The following ANK2 variants were observed in gnomAD, a reference collection of about 807,000 sequenced individuals.
ANK2 encodes ankyrin-2.
ANK2 carries 83 observed loss-of-function variants against 360.5 expected under a neutral mutation model. The observed-to-expected ratio is 0.23, with a 90% confidence interval of 0.19 to 0.28. ANK2 has a LOEUF of 0.28. Ranked by LOEUF, ANK2 falls within the 10% of genes least tolerant of loss-of-function variation. The pLI is 1.00. For synonymous variants in ANK2, 1,740 were observed against 1,759.5 expected, an observed-to-expected ratio of 0.99 and a Z score of 0.28; for missense variants, 4,201 against 4,795.7, an observed-to-expected ratio of 0.88 and a Z score of 3.66.
At chr4:113,143,626 A>C (rs879658979) in intron 1 of ANK2, among the ~76,000 whole-genome samples, 4 of 152,166 alleles carry the variant, frequency 2.6e-5, no homozygotes, top group Non-Finnish European at 4.4e-5. Flanking sequence ...AGCTGGAAAA[A>C]TCTTGGTTGG....
intron 20 of ANK2, among the ~76,000 whole-genome samples, chr4:113,290,966 A>G (rs1365971601): frequency 6.6e-6 from 1 of 152,244 alleles, no homozygotes; most frequent in East Asian, 1.9e-4. Context: ...GGTAAAGGTT[A>G]GATTAAATCA....
chr4:112,804,801 A>T, the ANK2 span, among the ~76,000 whole-genome samples: 1 of 152,018 alleles, frequency 6.6e-6, no homozygotes, highest in Non-Finnish European at 1.5e-5. Context: ...CAACAACAAC[A>T]AACAAAAAAC....
At chr4:113,052,978 TG>T (rs1447017138) in intron 1 of ANK2, among the ~76,000 whole-genome samples, 1 of 152,178 alleles carries the variant, frequency 6.6e-6, no homozygotes, top group Non-Finnish European at 1.5e-5. Flanking sequence ...AAGCTATAGT[TG>T]TAAGGAGGCA....
chr4:113,344,162 T>C (rs888980217), intron 34 of ANK2, among the ~76,000 whole-genome samples: 1 of 152,182 alleles, frequency 6.6e-6, no homozygotes, highest in Non-Finnish European at 1.5e-5. Flanking sequence ...GACAGCTATA[T>C]AATTAAGCTA....
intron 1 of ANK2, among the ~76,000 whole-genome samples, chr4:113,116,514 C>T (rs1165769029): frequency 6.6e-6 from 1 of 152,204 alleles, no homozygotes; most frequent in African/African-American, 2.4e-5. Context: ...ACCTGCTCAC[C>T]CCTGTATTGC....
intron 1 of ANK2, among the ~76,000 whole-genome samples, chr4:112,846,448 A>G (rs955582049): frequency 6.6e-6 from 1 of 152,070 alleles, no homozygotes; most frequent in Non-Finnish European, 1.5e-5. Flanking sequence ...CGTCCACCCT[A>G]TTACTTCACT....
chr4:113,084,022 G>A (rs1055713056), intron 1 of ANK2, among the ~76,000 whole-genome samples: 12 of 152,008 alleles, frequency 7.9e-5, no homozygotes, highest in Non-Finnish European at 1.6e-4. Flanking sequence ...GCGATTGTTC[G>A]GGGACTCAAG....
intron 2 of ANK2, among the ~76,000 whole-genome samples, chr4:113,036,463 A>T (rs923443736): frequency 2.0e-5 from 3 of 151,842 alleles, no homozygotes; most frequent in Non-Finnish European, 4.4e-5. Flanking sequence ...GAGTGTGCTG[A>T]CCTTCAGCCA....
intron 38 of ANK2, among the ~76,000 whole-genome samples, 197 bp downstream of exon 38, chr4:113,359,496 A>G (rs1184476918): frequency 6.6e-6 from 1 of 152,128 alleles, no homozygotes; most frequent in African/African-American, 2.4e-5. Flanking sequence ...CTCAAGATTG[A>G]GTAATGAGAA....
At chr4:112,934,439 A>G (rs1185009134) in intron 2 of ANK2, among the ~76,000 whole-genome samples, 1 of 152,100 alleles carries the variant, frequency 6.6e-6, no homozygotes, top group Non-Finnish European at 1.5e-5. Context: ...CTCTCTCGAC[A>G]TTCTTTTCTT....
the ANK2 span, among the ~76,000 whole-genome samples, chr4:112,771,516 T>G: frequency 6.6e-6 from 1 of 151,934 alleles, no homozygotes; most frequent in Non-Finnish European, 1.5e-5. Context: ...CTGAGCTTGA[T>G]GAGGTGTGGA....
the ANK2 span, among the ~76,000 whole-genome samples, chr4:112,767,044 CAT>C: frequency 6.6e-6 from 1 of 152,164 alleles, no homozygotes; most frequent in Non-Finnish European, 1.5e-5. Context: ...CAGTATTGCT[CAT>C]ATATTTTGAA....
rs186802968 is a variant in ANK2 at position 113,147,691 on chromosome 4, T to A, written c.85-26725T>A. ...AGCAAAATATGTGGTTCTAGGTAGTTTAAGTTGGACTTTATGTCTTCCAAA... is the reference window on the plus strand; with the variant it reads ...AGCAAAATATGTGGTTCTAGGTAGTATAAGTTGGACTTTATGTCTTCCAAA... On this transcript the variant is annotated intron_variant, in intron 1 of 45. Coordinates refer to ENST00000357077, the MANE Select transcript of ANK2 (RefSeq NM_001148.6). 2.6e-3 allele frequency among the ~76,000 whole-genome samples: 390 copies of A among 152,340 alleles called. 2 individuals carry two copies. The highest frequency in any genetic ancestry group is 9.0e-3 in the African/African-American group (376 of 41,572).
the ANK2 span, among the ~76,000 whole-genome samples, chr4:112,733,112 G>A: frequency 5.9e-5 from 9 of 152,120 alleles, no homozygotes; most frequent in Admixed American, 2.0e-4. Context: ...AGCTAATCTG[G>A]AGGCTGAGGC....
rs183197210 is a variant in ANK2 at position 112,864,968 on chromosome 4, C to T, written c.-39-39487C>T. ...AATGGCGTGAACCCAGGAGGCGGAG[C>T]TTGCAGTGAGCCGAGATCGCGCCAC... On this transcript the variant is annotated intron_variant, in intron 1 of 30. Transcript: ENST00000503271. Among the ~76,000 whole-genome samples the T allele has an allele frequency of 1.6e-3, 201 of 128,670 alleles. 1 individual carries two copies. The highest frequency in any genetic ancestry group is 4.6e-3 in the Admixed American group (48 of 10,466). The allele number at this position is 128,670 out of a possible 152,430, so 84.4% of individuals were successfully genotyped here. A position where few individuals can be genotyped will look rare whatever the true frequency, so the allele number is the denominator to read the frequency against.
intron 2 of ANK2, among the ~76,000 whole-genome samples, chr4:113,011,026 G>T (rs1210238861): frequency 2.0e-5 from 3 of 151,996 alleles, no homozygotes; most frequent in African/African-American, 7.2e-5. Context: ...ATTAGGTTTT[G>T]GTGTCAAATG....
chr4:112,989,221 A>T (rs529766556), intron 2 of ANK2, among the ~76,000 whole-genome samples: 1 of 152,296 alleles, frequency 6.6e-6, no homozygotes, highest in African/African-American at 2.4e-5. Flanking sequence ...TTAATATAGA[A>T]TTTTAATAAT....
the ANK2 span, among the ~76,000 whole-genome samples, chr4:112,744,740 C>G: frequency 1.3e-5 from 2 of 152,204 alleles, no homozygotes; most frequent in Admixed American, 6.5e-5. Flanking sequence ...ACAGTTTTGG[C>G]ACAAATTTGT....
At chr4:113,274,685 A>G (rs2153689556) in intron 15 of ANK2, 36 bp downstream of exon 15, 1 of 1,606,672 alleles carries the variant, frequency 6.2e-7, no homozygotes, top group Non-Finnish European at 8.5e-7. Flanking sequence ...ATGGACCAAG[A>G]GGATTCCTAA....
Sources: allele counts gnomAD v4.1 joint callset (sites outside exome capture counted in the v4.1 genomes callset), GRCh38; gene constraint gnomAD v4.1.1; transcripts MANE v1.5; gene names NCBI Gene and HGNC (gene_info 2026-07-23, HGNC 2026-07-21).